The following GPC5 variants were observed in gnomAD, a reference collection of about 807,000 sequenced individuals.
GPC5 encodes glypican-5.
A neutral mutation model predicts 53.9 loss-of-function variants in GPC5; 47 were observed. That is an observed-to-expected ratio of 0.87 (90% confidence interval 0.69 to 1.11). The LOEUF (loss-of-function observed/expected upper bound fraction) is 1.11, where lower values mean the gene tolerates loss of function less well. Ranked by LOEUF, GPC5 falls within the 50% of genes most tolerant of loss-of-function variation. The pLI, the probability that GPC5 is intolerant of heterozygous loss-of-function variation, is 0.00. For synonymous variants in GPC5, 286 were observed against 263.3 expected, an observed-to-expected ratio of 1.09 and a Z score of -0.84; for missense variants, 748 against 713.1, an observed-to-expected ratio of 1.05 and a Z score of -0.56.
intron 7 of GPC5, among the ~76,000 whole-genome samples, chr13:92,573,650 C>T (rs1019185360): frequency 2.6e-5 from 4 of 152,014 alleles, no homozygotes; most frequent in Admixed American, 6.6e-5. Flanking sequence ...AGAGGGCTTC[C>T]GCTGGTTCAG....
chr13:92,518,904 C>T (rs1284605178), intron 7 of GPC5, among the ~76,000 whole-genome samples: 1 of 152,088 alleles, frequency 6.6e-6, no homozygotes, highest in Non-Finnish European at 1.5e-5. Context: ...CAGAGACACA[C>T]ATAGGCTCAA....
At chr13:92,830,924 AAAT>A (rs1878024893) in intron 7 of GPC5, among the ~76,000 whole-genome samples, 1 of 152,128 alleles carries the variant, frequency 6.6e-6, no homozygotes. Flanking sequence ...ATTTATTTTT[AAAT>A]AATAGTTTTC....
intron 7 of GPC5, among the ~76,000 whole-genome samples, chr13:92,589,895 C>T (rs575122668): frequency 7.9e-5 from 12 of 152,264 alleles, no homozygotes; most frequent in African/African-American, 2.6e-4. Context: ...TATACATGTA[C>T]TAAGAACCAA....
chr13:92,827,015 G>T (rs1465692649), intron 7 of GPC5, among the ~76,000 whole-genome samples: 1 of 151,976 alleles, frequency 6.6e-6, no homozygotes, highest in Non-Finnish European at 1.5e-5. Flanking sequence ...GTAAATCCTT[G>T]CTTTTCATGT....
intron 7 of GPC5, among the ~76,000 whole-genome samples, chr13:92,298,726 G>T (rs1311067252): frequency 9.9e-5 from 15 of 152,046 alleles, no homozygotes; most frequent in Non-Finnish European, 2.1e-4. Flanking sequence ...GGGTGTGTGG[G>T]TCGTCTCAGG....
intron 7 of GPC5, among the ~76,000 whole-genome samples, chr13:92,369,080 CTA>C (rs2043629720): frequency 6.6e-6 from 1 of 152,234 alleles, no homozygotes; most frequent in Non-Finnish European, 1.5e-5. Flanking sequence ...GATGCAATCT[CTA>C]TTCTCACAAA....
At chr13:92,531,131 C>T (rs1881550013) in intron 7 of GPC5, among the ~76,000 whole-genome samples, 2 of 152,066 alleles carry the variant, frequency 1.3e-5, no homozygotes. Flanking sequence ...TGAAACTTGG[C>T]AGATTTTTTT....
intron 2 of GPC5, among the ~76,000 whole-genome samples, chr13:91,671,379 C>T (rs1036972955): frequency 6.6e-5 from 10 of 152,042 alleles, no homozygotes; most frequent in Non-Finnish European, 1.5e-4. Flanking sequence ...CTCTGCTTGC[C>T]TATTGTTGGT....
intron 2 of GPC5, among the ~76,000 whole-genome samples, chr13:91,551,343 A>G (rs376352851): frequency 1.3e-5 from 2 of 152,096 alleles, no homozygotes; most frequent in Admixed American, 1.3e-4. Flanking sequence ...ATTTTATTTT[A>G]TCTGAACTAT....
intron 7 of GPC5, among the ~76,000 whole-genome samples, chr13:92,790,995 C>A (rs1378623017): frequency 6.6e-6 from 1 of 151,952 alleles, no homozygotes; most frequent in Non-Finnish European, 1.5e-5. Context: ...AAGTGGAAGA[C>A]AATTCTTATA....
chr13:92,040,836 G>T (rs2040936081), intron 6 of GPC5, among the ~76,000 whole-genome samples: 1 of 152,130 alleles, frequency 6.6e-6, no homozygotes, highest in Non-Finnish European at 1.5e-5. Context: ...CAATTATGCT[G>T]CAGGAATTTA....
At chr13:92,021,860 T>G (rs1048264649) in intron 6 of GPC5, among the ~76,000 whole-genome samples, 1 of 152,190 alleles carries the variant, frequency 6.6e-6, no homozygotes, top group Non-Finnish European at 1.5e-5. Context: ...TTAAGCTACA[T>G]CCACCATTCC....
At chr13:92,422,533 A>C (rs4015563) in intron 7 of GPC5, among the ~76,000 whole-genome samples, 30,896 of 121,302 alleles carry the variant, frequency 0.25, 3,706 homozygotes, top group East Asian at 0.59. Context: ...CACACACACA[A>C]CTTCTTGGAA....
At chr13:91,566,140 G>T (rs1420224319) in intron 2 of GPC5, among the ~76,000 whole-genome samples, 1 of 152,096 alleles carries the variant, frequency 6.6e-6, no homozygotes, top group Admixed American at 6.6e-5. Flanking sequence ...GCTTCAAGTG[G>T]ACATATCTTT....
At chr13:91,399,699 C>G (rs1876779116) in intron 1 of GPC5, among the ~76,000 whole-genome samples, 1 of 152,156 alleles carries the variant, frequency 6.6e-6, no homozygotes. Context: ...CAAGGGCAGC[C>G]GGTCTCCTCT....
In GPC5 at chr13:91,951,679, A is replaced by T. The variant is rs139757558; in HGVS notation, c.1401+43622A>T. Among the ~76,000 whole-genome samples the T allele has an allele frequency of 8.4e-3, 1,273 of 152,258 alleles. 15 individuals are homozygous for T. Among genetic ancestry groups the T allele is most frequent in the African/African-American group, 0.029 (1,205 of 41,552 alleles). ...TTTTACAAATGTTAGGACTGTTTTC[A>T]TACAGAGACCATATGGTTGACTACA... is the stretch of plus-strand genomic sequence containing the variant. On this transcript the variant is annotated intron_variant, in intron 6 of 7. Transcript: ENST00000377067.
At chr13:91,998,950 A>G (rs1379974487) in intron 6 of GPC5, among the ~76,000 whole-genome samples, 1 of 152,244 alleles carries the variant, frequency 6.6e-6, no homozygotes, top group East Asian at 1.9e-4. Flanking sequence ...ATAGATAAAC[A>G]GAACTTCCCT....
intron 6 of GPC5, among the ~76,000 whole-genome samples, chr13:92,063,530 T>G (rs1341766130): frequency 2.6e-5 from 4 of 152,076 alleles, no homozygotes; most frequent in Non-Finnish European, 4.4e-5. Context: ...TATTATCTAC[T>G]CCTACCATGC....
Position 92,270,865 on chromosome 13 carries a change from G to A in GPC5, c.1561+125876G>A, listed in dbSNP as rs1269201491. On this transcript the variant is annotated intron_variant, in intron 7 of 7. Transcript: ENST00000377067. ...TTACATTTGCAAAGATAACAGCCTTGGATCTCTTCTATGCTTATATAATAC... is the reference window on the plus strand; with the variant it reads ...TTACATTTGCAAAGATAACAGCCTTAGATCTCTTCTATGCTTATATAATAC... 4.6e-5 allele frequency among the ~76,000 whole-genome samples: 7 copies of A among 152,144 alleles called. 1 individual carries two copies. The highest frequency in any genetic ancestry group is 4.6e-4 in the Admixed American group (7 of 15,282).
Sources: allele counts gnomAD v4.1 joint callset (sites outside exome capture counted in the v4.1 genomes callset), GRCh38; gene constraint gnomAD v4.1.1; transcripts MANE v1.5; gene names NCBI Gene and HGNC (gene_info 2026-07-23, HGNC 2026-07-21).